Variants in EIF4G3 observed in about 807,000 individuals in gnomAD.
EIF4G3 encodes the protein eIF-4-gamma 3.
A neutral mutation model predicts 186.4 loss-of-function variants in EIF4G3; 34 were observed. That is an observed-to-expected ratio of 0.18 (90% confidence interval 0.14 to 0.24). EIF4G3 has a LOEUF of 0.24. EIF4G3 is among the 10% of genes least tolerant of loss of function. The pLI, the probability that EIF4G3 is intolerant of heterozygous loss-of-function variation, is 1.00. For missense variants in EIF4G3, 1,536 were observed against 1,948.5 expected (o/e 0.79, Z 3.99); for synonymous variants, 673 against 679.5 (o/e 0.99, Z 0.15).
At chr1:21,170,864 T>C (rs1489505740) in intron 2 of EIF4G3, among the ~76,000 whole-genome samples, 1 of 151,966 alleles carries the variant, frequency 6.6e-6, no homozygotes, top group Non-Finnish European at 1.5e-5. Context: ...GGTACACACC[T>C]GTAATCCCAG....
chr1:20,853,447 G>C, intron 27 of EIF4G3, 113 bp downstream of exon 27: 1 of 622,880 alleles, frequency 1.6e-6, no homozygotes, highest in Non-Finnish European at 2.9e-6. Flanking sequence ...ATCAACTTTA[G>C]GAATAAAAGG....
intron 7 of EIF4G3, 124 bp downstream of exon 7, chr1:20,997,477 A>C (rs2082540319): frequency 1.1e-6 from 1 of 949,128 alleles, no homozygotes; most frequent in East Asian, 2.6e-5. Flanking sequence ...ATATCAGATA[A>C]AAGCTACTCT....
intron 4 of EIF4G3, among the ~76,000 whole-genome samples, chr1:21,032,312 C>T (rs1445393217): frequency 6.6e-6 from 1 of 152,106 alleles, no homozygotes; most frequent in Non-Finnish European, 1.5e-5. Flanking sequence ...ACTATTCATT[C>T]CTCATGACAC....
chr1:21,083,639 T>C (rs1557877114), intron 3 of EIF4G3, among the ~76,000 whole-genome samples: 1 of 152,116 alleles, frequency 6.6e-6, no homozygotes, highest in Admixed American at 6.6e-5. Context: ...TTTTTAAAAC[T>C]GATCAAAGGA....
At chr1:20,908,315 T>G (rs940577943) in intron 14 of EIF4G3, among the ~76,000 whole-genome samples, 1 of 152,086 alleles carries the variant, frequency 6.6e-6, no homozygotes, top group Non-Finnish European at 1.5e-5. Context: ...AGTAGGTTGA[T>G]TTTTGCAAAT....
At chr1:20,914,757 T>C (rs1415100814) in intron 14 of EIF4G3, among the ~76,000 whole-genome samples, 1 of 152,208 alleles carries the variant, frequency 6.6e-6, no homozygotes, top group South Asian at 2.1e-4. Flanking sequence ...TTTCTAAACA[T>C]ATGGGGGATT....
intron 2 of EIF4G3, among the ~76,000 whole-genome samples, chr1:21,100,452 T>C (rs182797401): frequency 6.6e-6 from 1 of 152,296 alleles, no homozygotes; most frequent in East Asian, 1.9e-4. Flanking sequence ...TAGAACTCCA[T>C]GGTGAGACAA....
chr1:20,984,738 T>C (rs534254276), intron 7 of EIF4G3, among the ~76,000 whole-genome samples: 348 of 152,016 alleles, frequency 2.3e-3, no homozygotes, highest in Non-Finnish European at 3.8e-3. Context: ...TACAGCCACA[T>C]GCCACCACGC....
intron 4 of EIF4G3, among the ~76,000 whole-genome samples, chr1:21,037,236 G>GGAA (rs2093278764): frequency 9.3e-6 from 1 of 107,782 alleles, no homozygotes; most frequent in African/African-American, 3.9e-5. Context: ...TCAGAAAAAG[G>GGAA]AAAAAAAAAA....
At chr1:21,081,675 C>T (rs1036679504) in intron 3 of EIF4G3, among the ~76,000 whole-genome samples, 2 of 128,838 alleles carry the variant, frequency 1.6e-5, no homozygotes, top group Admixed American at 9.4e-5. Context: ...CAGAGCCTTG[C>T]TCTATTGCCC....
At chr1:21,161,992 T>TA (rs1295758463) in intron 2 of EIF4G3, 12 of 150,194 alleles carry the variant, frequency 8.0e-5, no homozygotes, top group African/African-American at 2.9e-4. Context: ...AAGTTGGAGA[T>TA]AAAGTTCTTC....
chr1:21,160,023 C>T (rs147783936), intron 2 of EIF4G3, among the ~76,000 whole-genome samples: 276 of 151,138 alleles, frequency 1.8e-3, no homozygotes, highest in African/African-American at 6.3e-3. Context: ...AAGCTAATCG[C>T]TTGAACCTGG....
chr1:21,110,973 TTC>T (rs2096716231), intron 2 of EIF4G3, among the ~76,000 whole-genome samples: 1 of 152,266 alleles, frequency 6.6e-6, no homozygotes, highest in Non-Finnish European at 1.5e-5. Flanking sequence ...ACACTTGACT[TTC>T]TCTGTTAAAC....
intron 2 of EIF4G3, among the ~76,000 whole-genome samples, chr1:21,165,744 T>C (rs1282092034): frequency 6.6e-6 from 1 of 152,050 alleles, no homozygotes; most frequent in Non-Finnish European, 1.5e-5. Flanking sequence ...TATTCTAAAA[T>C]TATGGTAGTA....
At chr1:21,152,586 A>G (rs950579430) in intron 2 of EIF4G3, among the ~76,000 whole-genome samples, 1 of 152,164 alleles carries the variant, frequency 6.6e-6, no homozygotes, top group African/African-American at 2.4e-5. Context: ...CTTTCCAGTC[A>G]TTACAAGTCA....
At chr1:20,821,960 C>T (rs1430104634) in intron 33 of EIF4G3, among the ~76,000 whole-genome samples, 1 of 152,090 alleles carries the variant, frequency 6.6e-6, no homozygotes, top group Non-Finnish European at 1.5e-5. Context: ...TCATTGCAAC[C>T]TCTGCCTCCT....
At chr1:20,937,984 C>T (rs1408465589) in intron 14 of EIF4G3, among the ~76,000 whole-genome samples, 7 of 150,710 alleles carry the variant, frequency 4.6e-5, no homozygotes, top group African/African-American at 1.2e-4. Context: ...TTCTTCAATC[C>T]GAAAACAACT....
chr1:21,008,774 T>C (rs756931575), intron 4 of EIF4G3, among the ~76,000 whole-genome samples: 1 of 152,194 alleles, frequency 6.6e-6, no homozygotes, highest in Non-Finnish European at 1.5e-5. Flanking sequence ...ATGGAATGAG[T>C]AATACAGAGA....
At chr1:21,022,104 A>G (rs1188194591) in intron 4 of EIF4G3, among the ~76,000 whole-genome samples, 1 of 152,244 alleles carries the variant, frequency 6.6e-6, no homozygotes, top group African/African-American at 2.4e-5. Context: ...ATATCTGTCC[A>G]AAGTATAATC....
Sources: gnomAD v4.1 joint callset for allele counts (sites outside exome capture counted in the v4.1 genomes callset) on GRCh38, gnomAD v4.1.1 for gene constraint, MANE v1.5 for transcripts, NCBI Gene and HGNC (gene_info 2026-07-23, HGNC 2026-07-21) for gene names.